The following SLC5A3 variants were observed in gnomAD, a reference collection of about 807,000 sequenced individuals.
SLC5A3 encodes sodium/myo-inositol cotransporter.
In SLC5A3, 10 loss-of-function variants were observed where a neutral mutation model predicts 43.2. That is an observed-to-expected ratio of 0.23 (90% CI 0.14 to 0.39). The LOEUF (loss-of-function observed/expected upper bound fraction) is 0.39, where lower values mean the gene tolerates loss of function less well. Among genes scored for constraint, SLC5A3 ranks in the 10% least tolerant of loss-of-function variants. The pLI, the probability that SLC5A3 is intolerant of heterozygous loss-of-function variation, is 1.00. For synonymous variants in SLC5A3, 349 were observed against 322.0 expected (o/e 1.08, Z -0.90); for missense variants, 608 against 893.4 (o/e 0.68, Z 4.07).
chr21:34,073,610 A>G lies in SLC5A3; in HGVS notation c.-472A>G, dbSNP rs1391350677. 15 of 1,138,060 alleles carry G rather than the reference A, an allele frequency of 1.3e-5. No individual in the cohort carries two copies. The highest frequency in any genetic ancestry group is 6.5e-5 in the East Asian group (2 of 30,856). The allele number at this position is 1,138,060 out of a possible 1,614,324, so 70.5% of individuals were successfully genotyped here. ...CCGCCTGGGAGCCGTCCGGCGCAGC[A>G]GTTTCTAGGTCCCCACTGTCCCCGC... On this transcript the variant is annotated 5_prime_UTR_variant, in exon 1 of 2. Coordinates refer to ENST00000381151, the MANE Select transcript of SLC5A3 (RefSeq NM_006933.7).
Position 34,073,716 on chromosome 21 carries a change from C to A in SLC5A3, c.-366C>A. Reference sequence around the variant, plus strand: ...TCCTCCAGGCATGCCCCGCTACGAGCTGGCTTTAATCCTGAAAGCCATGCA... The same window carrying A: ...TCCTCCAGGCATGCCCCGCTACGAGATGGCTTTAATCCTGAAAGCCATGCA... On this transcript the variant is annotated 5_prime_UTR_variant, in exon 1 of 2. The change creates a new upstream start codon in the 5' untranslated region. Transcript: ENST00000381151. 1 of 1,529,450 alleles carries A rather than the reference C, an allele frequency of 6.5e-7. No homozygotes were observed. The highest frequency in any genetic ancestry group is 8.8e-7 in the Non-Finnish European group (1 of 1,132,180). 94.7% of individuals were successfully genotyped at this position (1,529,450 alleles called of 1,614,324 possible). A position where few individuals can be genotyped will look rare whatever the true frequency, so the allele number is the denominator to read the frequency against.
In SLC5A3 at chr21:34,103,315, T is replaced by TCAAAAAAAAAAAAAAAAAA. The variant is rs1979328899; in HGVS notation, c.*5960_*5961insCAAAAAAAAAAAAAAAAAA. On this transcript the variant is annotated 3_prime_UTR_variant, in exon 2 of 2. Coordinates refer to ENST00000381151, the MANE Select transcript of SLC5A3 (RefSeq NM_006933.7). ...ATTTTGTCGTAACTAGTGAAGGAAG[T>TCAAAAAAAAAAAAAAAAAA]AAAAAAAAAAAAAAAACATGCATTA... The TCAAAAAAAAAAAAAAAAAA allele has an allele frequency of 1.2e-6, 1 of 841,866 alleles. No individual in the cohort carries two copies. The allele number at this position is 841,866 out of a possible 1,614,324, so 52.1% of individuals were successfully genotyped here.
Position 34,100,363 on chromosome 21 carries a change from G to A in SLC5A3, c.*3008G>A. 1 of 1,000,084 alleles carries A rather than the reference G, an allele frequency of 1.0e-6. No individual in the cohort carries two copies. The highest frequency in any genetic ancestry group is 1.2e-6 in the Non-Finnish European group (1 of 829,958). The allele number at this position is 1,000,084 out of a possible 1,614,324, so 62.0% of individuals were successfully genotyped here. A position where few individuals can be genotyped will look rare whatever the true frequency, so the allele number is the denominator to read the frequency against. On this transcript the variant is annotated 3_prime_UTR_variant, in exon 2 of 2. Coordinates refer to ENST00000381151, the MANE Select transcript of SLC5A3 (RefSeq NM_006933.7). ...GTCATCTTTCAGAATATTCTGTTCT[G>A]CCACCCCCAGAGAGTAAACACTTGA...
chr21:34,078,694 A>G (rs772721696), intron 1 of SLC5A3, among the ~76,000 whole-genome samples: 5 of 152,206 alleles, frequency 3.3e-5, no homozygotes, highest in African/African-American at 4.8e-5. Context: ...TTGTACTACT[A>G]CATGTTTAAC....
chr21:34,081,792 T>C (rs1032934376), intron 1 of SLC5A3, among the ~76,000 whole-genome samples: 2 of 152,228 alleles, frequency 1.3e-5, no homozygotes, highest in Non-Finnish European at 2.9e-5. Flanking sequence ...CTTCATTGCC[T>C]AGTTTTTCAT....
chr21:34,082,095 G>C (rs537655438), intron 1 of SLC5A3, among the ~76,000 whole-genome samples: 2 of 151,154 alleles, frequency 1.3e-5, no homozygotes, highest in African/African-American at 4.9e-5. Flanking sequence ...TGAATACTTA[G>C]GTACCATGGA....
rs948855696 is a variant in SLC5A3, at chr21:34,097,571, T to A, written c.*216T>A. 7 of 1,328,476 alleles carry A rather than the reference T, an allele frequency of 5.3e-6. No individual in the cohort carries two copies. In the African/African-American group the frequency reaches 1.1e-4, roughly 20 times the overall value. 82.3% of individuals were successfully genotyped at this position (1,328,476 alleles called of 1,614,324 possible). A position where few individuals can be genotyped will look rare whatever the true frequency, so the allele number is the denominator to read the frequency against. ...GTGAAGCCAAACCTAACAGACTGAATTGTGCAAATGTGGTTTTAAATTTTG... is the reference window on the plus strand; with the variant it reads ...GTGAAGCCAAACCTAACAGACTGAAATGTGCAAATGTGGTTTTAAATTTTG... On this transcript the variant is annotated 3_prime_UTR_variant, in exon 2 of 2. Transcript: ENST00000381151.
chr21:34,092,491 A>C (rs5000992), intron 1 of SLC5A3, among the ~76,000 whole-genome samples: 152,286 of 152,290 alleles, frequency 1, 76,141 homozygotes, highest in Middle Eastern at 1. Flanking sequence ...TTAGGGTACT[A>C]TTTGGTACCT....
rs1979248476 is a variant in SLC5A3 at position 34,101,797 on chromosome 21, G to A, written c.*4442G>A. ...TGTTAGCTTAAAATGTTAATTCTCA[G>A]GAATGATTTTCTCACACTTTGTGTT... On this transcript the variant is annotated 3_prime_UTR_variant, in exon 2 of 2. Transcript: ENST00000381151. 1 of 997,092 alleles carries A rather than the reference G, an allele frequency of 1.0e-6. No homozygotes were observed. The highest frequency in any genetic ancestry group is 1.2e-6 in the Non-Finnish European group (1 of 827,414). 61.8% of individuals were successfully genotyped at this position (997,092 alleles called of 1,614,324 possible).
At position 34,097,716 on chromosome 21, in the gene SLC5A3, G is replaced by GA; in HGVS notation, c.*363dup. The GA allele has an allele frequency of 4.0e-6, 4 of 1,010,888 alleles. No individual in the cohort carries two copies. The highest frequency in any genetic ancestry group is 3.6e-6 in the Non-Finnish European group (3 of 837,488). The allele number at this position is 1,010,888 out of a possible 1,614,324, so 62.6% of individuals were successfully genotyped here. Reference sequence around the variant, plus strand: ...GCCAAGTCTTGGCAGACCTTACCCTGAAGTAGAAGATTTGCTCATTTCTAA... The same window carrying GA: ...GCCAAGTCTTGGCAGACCTTACCCTGAAAGTAGAAGATTTGCTCATTTCTAA... On this transcript the variant is annotated 3_prime_UTR_variant, in exon 2 of 2. Coordinates refer to ENST00000381151, the MANE Select transcript of SLC5A3 (RefSeq NM_006933.7).
Position 34,104,687 on chromosome 21 carries a change from C to T in SLC5A3, c.*7332C>T, listed in dbSNP as rs931070820. On this transcript the variant is annotated 3_prime_UTR_variant, in exon 2 of 2. Transcript: ENST00000381151. ...CACATTATTTGAGAATATCAAACCT[C>T]AGGCCTGGGGGGATGAGGGGAAGAA... The T allele has an allele frequency of 2.0e-6, 2 of 1,000,258 alleles. No individual in the cohort carries two copies. Among genetic ancestry groups the T allele is most frequent in the Non-Finnish European group, 2.4e-6 (2 of 829,988 alleles). The allele number at this position is 1,000,258 out of a possible 1,614,324, so 62.0% of individuals were successfully genotyped here. A position where few individuals can be genotyped will look rare whatever the true frequency, so the allele number is the denominator to read the frequency against.
chr21:34,101,502 A>T lies in SLC5A3; in HGVS notation c.*4147A>T. ...AATAGCCTGAGCAGACTTCTTTACA[A>T]ATGGGATCTGTTTCTATATGTGTAT... On this transcript the variant is annotated 3_prime_UTR_variant, in exon 2 of 2. Transcript: ENST00000381151. 2 of 1,000,174 alleles carry T rather than the reference A, an allele frequency of 2.0e-6. No homozygotes were observed. The highest frequency in any genetic ancestry group is 1.7e-5 in the African/African-American group (1 of 57,360). The allele number at this position is 1,000,174 out of a possible 1,614,324, so 62.0% of individuals were successfully genotyped here.
chr21:34,080,403 T>C (rs1989432316), intron 1 of SLC5A3, among the ~76,000 whole-genome samples: 1 of 152,178 alleles, frequency 6.6e-6, no homozygotes, highest in Non-Finnish European at 1.5e-5. Flanking sequence ...GTAAACAAAG[T>C]TGTGCAGATT....
intron 1 of SLC5A3, among the ~76,000 whole-genome samples, chr21:34,080,134 TGTA>T (rs1989427315): frequency 2.0e-5 from 3 of 152,224 alleles, no homozygotes; most frequent in Admixed American, 2.0e-4. Context: ...TAAATACGCT[TGTA>T]GTGCAAATAT....
chr21:34,104,866 CA>C lies in SLC5A3; in HGVS notation c.*7518del, dbSNP rs1205968568. On this transcript the variant is annotated 3_prime_UTR_variant, in exon 2 of 2. Transcript: ENST00000381151. ...TTTAAGATAGTTTGTAAGAACTGTACAAAAAAATGCTTCTGGAGATTTCTTT... is the reference window on the plus strand; with the variant it reads ...TTTAAGATAGTTTGTAAGAACTGTACAAAAAATGCTTCTGGAGATTTCTTT... The C allele has an allele frequency of 2.1e-5, 21 of 998,846 alleles. No homozygotes were observed. The highest frequency in any genetic ancestry group is 2.3e-5 in the Non-Finnish European group (19 of 828,802). The allele number at this position is 998,846 out of a possible 1,614,324, so 61.9% of individuals were successfully genotyped here.
rs753327329 is a variant in SLC5A3, at chr21:34,097,203, C to A, written c.2005C>A (p.Leu669Ile). The change falls in exon 2 of 2, where the codon CTC becomes ATC. Residue 669 changes from leucine to isoleucine, a missense_variant. Physicochemically the swap from Leu to Ile is conservative, Grantham distance 5. Around this residue, in one of 2 missense-constraint regions of SLC5A3, gnomAD observed 210 missense variants for 224.8 expected, o/e 0.93. Coordinates refer to ENST00000381151, the MANE Select transcript of SLC5A3 (RefSeq NM_006933.7). ...DWFCGFKSKS[L>I]SKRSLRDLME... ...GTTTTGTGGCTTTAAAAGTAAGAGC[C>A]TCAGCAAGAGGAGTCTCAGAGACCT... The A allele has an allele frequency of 1.2e-5, 19 of 1,614,054 alleles. No homozygotes were observed. The highest frequency in any genetic ancestry group is 3.3e-4 in the Middle Eastern group (2 of 6,060).
In SLC5A3 at chr21:34,103,331, A is replaced by AC. The variant is rs1556006346; in HGVS notation, c.*5977dup. 12 of 994,832 alleles carry AC rather than the reference A, an allele frequency of 1.2e-5. No individual in the cohort carries two copies. The highest frequency in any genetic ancestry group is 2.4e-6 in the Non-Finnish European group (2 of 825,650). 61.6% of individuals were successfully genotyped at this position (994,832 alleles called of 1,614,324 possible). ...TGAAGGAAGTAAAAAAAAAAAAAAA[A>AC]CATGCATTACATTGACATACTTTAT... On this transcript the variant is annotated 3_prime_UTR_variant, in exon 2 of 2. Transcript: ENST00000381151.
At chr21:34,086,992 A>G (rs925394351) in intron 1 of SLC5A3, among the ~76,000 whole-genome samples, 3 of 152,188 alleles carry the variant, frequency 2.0e-5, no homozygotes, top group Non-Finnish European at 2.9e-5. Context: ...CTGCACACTA[A>G]GAGGTGGATG....
chr21:34,076,012 T>C (rs927293144), intron 1 of SLC5A3, among the ~76,000 whole-genome samples: 6 of 152,240 alleles, frequency 3.9e-5, no homozygotes, highest in Non-Finnish European at 8.8e-5. Context: ...AAGTTGCGTA[T>C]CTTCCACGTT....
Sources: allele counts gnomAD v4.1 joint callset (sites outside exome capture counted in the v4.1 genomes callset), GRCh38; gene constraint gnomAD v4.1.1; regional missense constraint gnomAD v4.1.1; transcripts MANE v1.5; gene names NCBI Gene and HGNC (gene_info 2026-07-23, HGNC 2026-07-21).